The following NHSL1 variants were observed in gnomAD, a reference collection of about 807,000 sequenced individuals.
NHSL1 encodes NHS-like protein 1.
NHSL1 carries 48 observed loss-of-function variants against 95.0 expected under a neutral mutation model. That is an observed-to-expected ratio of 0.51 (90% CI 0.40 to 0.64). NHSL1 has a LOEUF of 0.64. Ranked by LOEUF, NHSL1 falls within the 30% of genes least tolerant of loss-of-function variation. NHSL1 has a pLI of 0.00. For synonymous variants in NHSL1, 783 were observed against 833.9 expected, an observed-to-expected ratio of 0.94 and a Z score of 1.05; for missense variants, 1,971 against 2,077.7, an observed-to-expected ratio of 0.95 and a Z score of 1.00.
intron 1 of NHSL1, among the ~76,000 whole-genome samples, chr6:138,510,868 A>G (rs1479272277): frequency 6.6e-6 from 1 of 152,194 alleles, no homozygotes; most frequent in Non-Finnish European, 1.5e-5. Flanking sequence ...AAATTCTAGT[A>G]CCCTGGTATT....
chr6:138,529,073 T>C (rs1016679037), intron 1 of NHSL1, among the ~76,000 whole-genome samples: 1 of 152,210 alleles, frequency 6.6e-6, no homozygotes, highest in Non-Finnish European at 1.5e-5. Context: ...TAACCTCTCC[T>C]GCACAAAGTC....
At chr6:138,621,677 C>T (rs1158360972) in intron 1 of NHSL1, among the ~76,000 whole-genome samples, 1 of 152,124 alleles carries the variant, frequency 6.6e-6, no homozygotes, top group East Asian at 1.9e-4. Context: ...ACCATGTTGG[C>T]CAGGCTGGTC....
chr6:138,435,536 A>G (rs990964003), intron 5 of NHSL1, among the ~76,000 whole-genome samples: 2 of 152,216 alleles, frequency 1.3e-5, no homozygotes, highest in Non-Finnish European at 2.9e-5. Context: ...TAAAAAGCAT[A>G]TGAAAAAACT....
chr6:138,675,631 T>C (rs1192071651), intron 1 of NHSL1, among the ~76,000 whole-genome samples: 2 of 152,058 alleles, frequency 1.3e-5, no homozygotes, highest in African/African-American at 4.8e-5. Context: ...GTCTCCTCGG[T>C]TCAAGTGATT....
intron 1 of NHSL1, among the ~76,000 whole-genome samples, chr6:138,626,802 G>A (rs1784744334): frequency 1.1e-5 from 1 of 94,906 alleles, no homozygotes; most frequent in Non-Finnish European, 2.0e-5. Context: ...GCTGAGGCAG[G>A]AGAATGGCGT....
intron 1 of NHSL1, among the ~76,000 whole-genome samples, chr6:138,679,640 T>A (rs547590176): frequency 2.0e-5 from 3 of 152,154 alleles, no homozygotes; most frequent in African/African-American, 7.2e-5. Flanking sequence ...CCCAGAAGAA[T>A]AACAAACTTC....
At chr6:138,688,870 A>G (rs75866243) in intron 1 of NHSL1, among the ~76,000 whole-genome samples, 2,354 of 152,332 alleles carry the variant, frequency 0.015, 54 homozygotes, top group African/African-American at 0.053. Context: ...CTAAACATTA[A>G]AGGCAGAAAG....
At chr6:138,667,424 C>T (rs1488398075) in intron 1 of NHSL1, among the ~76,000 whole-genome samples, 2 of 152,148 alleles carry the variant, frequency 1.3e-5, no homozygotes, top group Non-Finnish European at 2.9e-5. Flanking sequence ...TAATCTGAGA[C>T]AATGCAAAAT....
intron 1 of NHSL1, among the ~76,000 whole-genome samples, chr6:138,676,325 A>T (rs1032350618): frequency 6.6e-6 from 1 of 152,198 alleles, no homozygotes; most frequent in Non-Finnish European, 1.5e-5. Flanking sequence ...CTCACTAGGA[A>T]ACCTTACATT....
upstream of NHSL1, among the ~76,000 whole-genome samples, chr6:138,501,417 T>C (rs1291003496): frequency 6.6e-6 from 1 of 152,230 alleles, no homozygotes; most frequent in East Asian, 1.9e-4. Context: ...ATAAAAAAGT[T>C]AAGCAACATA....
At chr6:138,440,809 C>T (rs1776479651) in intron 5 of NHSL1, among the ~76,000 whole-genome samples, 2 of 152,208 alleles carry the variant, frequency 1.3e-5, no homozygotes, top group Admixed American at 1.3e-4. Context: ...ATCACTATTG[C>T]TGGTTACACT....
intron 1 of NHSL1, among the ~76,000 whole-genome samples, chr6:138,627,532 G>GA (rs1017821029): frequency 2.0e-5 from 3 of 151,772 alleles, no homozygotes; most frequent in African/African-American, 7.3e-5. Context: ...TTAATCGTCA[G>GA]AAAAAAAATC....
At chr6:138,666,590 C>CAAAAAAAAAAAAAAAAAAAAAAAA (rs10564684) in intron 1 of NHSL1, among the ~76,000 whole-genome samples, 1 of 89,310 alleles carries the variant, frequency 1.1e-5, no homozygotes. Flanking sequence ...GCCTCCATCT[C>CAAAAAAAAAAAAAAAAAAAAAAAA]AAAAAAAAAA....
chr6:138,440,602 C>T (rs1379887102), intron 5 of NHSL1, among the ~76,000 whole-genome samples: 2 of 152,242 alleles, frequency 1.3e-5, no homozygotes, highest in Non-Finnish European at 2.9e-5. Context: ...CTGACTATTG[C>T]TACAGCATGG....
At chr6:138,438,917 C>A (rs1032749298) in intron 5 of NHSL1, among the ~76,000 whole-genome samples, 1 of 151,868 alleles carries the variant, frequency 6.6e-6, no homozygotes, top group African/African-American at 2.4e-5. Flanking sequence ...CTATCTGATT[C>A]TAAAAGATGA....
chr6:138,469,029 G>A (rs1778576748), intron 3 of NHSL1, among the ~76,000 whole-genome samples: 1 of 152,154 alleles, frequency 6.6e-6, no homozygotes, highest in African/African-American at 2.4e-5. Flanking sequence ...CTCTTTTTCA[G>A]AACACATTAC....
chr6:138,551,455 G>A (rs1324555495), intron 1 of NHSL1, among the ~76,000 whole-genome samples: 2 of 152,162 alleles, frequency 1.3e-5, no homozygotes, highest in African/African-American at 4.8e-5. Flanking sequence ...CTTTTAAGAT[G>A]ACAATGACCA....
chr6:138,498,208 A>G (rs971673038), intron 1 of NHSL1, among the ~76,000 whole-genome samples: 2 of 152,228 alleles, frequency 1.3e-5, no homozygotes, highest in African/African-American at 4.8e-5. Flanking sequence ...ACCATACTTC[A>G]GAGTTAGAAA....
intron 1 of NHSL1, among the ~76,000 whole-genome samples, chr6:138,615,809 A>G (rs1784571332): frequency 6.6e-6 from 1 of 152,126 alleles, no homozygotes; most frequent in Admixed American, 6.5e-5. Flanking sequence ...GAAAAGGAGG[A>G]AAATGCAAAT....
Sources: gnomAD v4.1 joint callset for allele counts (sites outside exome capture counted in the v4.1 genomes callset) on GRCh38, gnomAD v4.1.1 for gene constraint, MANE v1.5 for transcripts, NCBI Gene and HGNC (gene_info 2026-07-23, HGNC 2026-07-21) for gene names.